ERC2: variants seen among roughly 807,000 people sequenced by gnomAD.
The protein encoded by ERC2 is ELKS/RAB6-interacting/CAST family member 2.
ERC2 carries 42 observed loss-of-function variants against 114.8 expected under a neutral mutation model. The ratio of observed to expected loss-of-function variants is 0.37; its 90% CI spans 0.29 to 0.47. The LOEUF (loss-of-function observed/expected upper bound fraction) is 0.47. Among genes scored for constraint, ERC2 ranks in the 20% least tolerant of loss-of-function variants. The pLI, the probability that ERC2 is intolerant of heterozygous loss-of-function variation, is 0.99. For missense variants in ERC2, 939 were observed against 1,150.7 expected (o/e 0.82, Z 2.66); for synonymous variants, 454 against 425.5 (o/e 1.07, Z -0.82).
chr3:56,377,623 G>A (rs2059592169), intron 2 of ERC2, among the ~76,000 whole-genome samples: 1 of 151,948 alleles, frequency 6.6e-6, no homozygotes, highest in African/African-American at 2.4e-5. Flanking sequence ...TCACACATTA[G>A]GCCCCCCAAA....
chr3:55,765,896 GA>G (rs958296799), intron 14 of ERC2, among the ~76,000 whole-genome samples: 1 of 152,212 alleles, frequency 6.6e-6, no homozygotes, highest in South Asian at 2.1e-4. Context: ...AGTCTCAAAA[GA>G]AAAAAAGAAA....
At chr3:56,337,319 G>A (rs899875527) in intron 2 of ERC2, among the ~76,000 whole-genome samples, 2 of 152,150 alleles carry the variant, frequency 1.3e-5, no homozygotes, top group African/African-American at 4.8e-5. Flanking sequence ...CTGATTACCA[G>A]GTAAAACCCT....
chr3:56,318,399 A>T (rs1576412342), intron 2 of ERC2, among the ~76,000 whole-genome samples: 1 of 150,836 alleles, frequency 6.6e-6, no homozygotes, highest in Non-Finnish European at 1.5e-5. Flanking sequence ...CTAGTCTCAA[A>T]CTCCTGGGCT....
chr3:56,202,188 C>T (rs956007782), intron 3 of ERC2, among the ~76,000 whole-genome samples: 23 of 152,250 alleles, frequency 1.5e-4, no homozygotes, highest in Admixed American at 3.9e-4. Context: ...CAGGTAAAAA[C>T]CTCATTTGGG....
intron 15 of ERC2, among the ~76,000 whole-genome samples, chr3:55,701,150 A>G (rs59892857): frequency 0.01 from 1,583 of 152,284 alleles, 28 homozygotes; most frequent in African/African-American, 0.036. Flanking sequence ...CAATAAAGAA[A>G]AGTCTGGACC....
At chr3:55,575,183 T>A (rs1026037513) in intron 17 of ERC2, among the ~76,000 whole-genome samples, 5 of 152,008 alleles carry the variant, frequency 3.3e-5, no homozygotes, top group African/African-American at 1.2e-4. Flanking sequence ...CCCAGCTAAT[T>A]TTTTGGTATT....
At chr3:55,907,209 T>C (rs1158508407) in intron 13 of ERC2, among the ~76,000 whole-genome samples, 1 of 152,160 alleles carries the variant, frequency 6.6e-6, no homozygotes, top group Non-Finnish European at 1.5e-5. Flanking sequence ...TAGTAGCTTT[T>C]ATATGGTAAA....
In ERC2 at chr3:56,138,419, C is replaced by T. The variant is rs531916877; in HGVS notation, c.1473+1090G>A. ...ATCATTGAGACCAAGGTGATTGTTT[C>T]GAATTGAAGCATTCAGGTAGCTGCC... On this transcript the variant is annotated intron_variant, in intron 6 of 17. Coordinates refer to ENST00000288221, the MANE Select transcript of ERC2 (RefSeq NM_015576.3). 5.5e-4 allele frequency among the ~76,000 whole-genome samples: 84 copies of T among 152,232 alleles called. No homozygotes were observed. In the Middle Eastern group the frequency reaches 0.014, roughly 25 times the overall value.
chr3:56,166,098 C>A (rs190863727), intron 4 of ERC2, among the ~76,000 whole-genome samples: 138 of 151,978 alleles, frequency 9.1e-4, no homozygotes, highest in Non-Finnish European at 9.3e-4. Context: ...TTTTGGGGGC[C>A]ATGGATGGAT....
chr3:56,101,570 C>T (rs747676693), intron 6 of ERC2, among the ~76,000 whole-genome samples: 72 of 152,246 alleles, frequency 4.7e-4, no homozygotes, highest in East Asian at 1.9e-4. Flanking sequence ...AAAGGACTTA[C>T]CCATGGCCCC....
At chr3:55,738,768 T>A (rs966829366) in intron 14 of ERC2, among the ~76,000 whole-genome samples, 6 of 152,200 alleles carry the variant, frequency 3.9e-5, no homozygotes, top group Admixed American at 1.3e-4. Flanking sequence ...AATCATTTTT[T>A]AAAATTATTT....
At chr3:55,889,941 GA>G (rs2063528471) in intron 13 of ERC2, among the ~76,000 whole-genome samples, 2 of 152,138 alleles carry the variant, frequency 1.3e-5, no homozygotes, top group Non-Finnish European at 2.9e-5. Context: ...TTAAGATTCA[GA>G]AAACCCTTCA....
At chr3:55,512,995 A>G (rs1475792594) in intron 17 of ERC2, among the ~76,000 whole-genome samples, 1 of 152,182 alleles carries the variant, frequency 6.6e-6, no homozygotes, top group Admixed American at 6.5e-5. Flanking sequence ...TAAAAAACGA[A>G]TCCTGGCTTC....
chr3:56,006,551 A>G (rs994988608), intron 10 of ERC2, among the ~76,000 whole-genome samples: 3 of 152,110 alleles, frequency 2.0e-5, no homozygotes, highest in African/African-American at 7.2e-5. Flanking sequence ...GTAACAATGC[A>G]TGACTGGAAA....
intron 6 of ERC2, among the ~76,000 whole-genome samples, chr3:56,090,445 G>A (rs2077725016): frequency 6.6e-6 from 1 of 152,160 alleles, no homozygotes; most frequent in African/African-American, 2.4e-5. Context: ...TAACAAGACA[G>A]TCAGGTTTGT....
intron 14 of ERC2, among the ~76,000 whole-genome samples, chr3:55,778,973 G>A (rs1385659860): frequency 6.6e-6 from 1 of 151,986 alleles, no homozygotes; most frequent in Non-Finnish European, 1.5e-5. Flanking sequence ...ATGACAATAG[G>A]CATATAAGTA....
chr3:55,621,962 G>A (rs1273969249), intron 17 of ERC2, among the ~76,000 whole-genome samples: 1 of 152,176 alleles, frequency 6.6e-6, no homozygotes, highest in African/African-American at 2.4e-5. Flanking sequence ...GTATTCACAT[G>A]ACATAAGCTA....
chr3:55,519,668 T>C (rs2052769251), intron 17 of ERC2, among the ~76,000 whole-genome samples: 1 of 152,148 alleles, frequency 6.6e-6, no homozygotes, highest in Non-Finnish European at 1.5e-5. Context: ...TTTGATATTA[T>C]CTAGGCTGCC....
intron 3 of ERC2, among the ~76,000 whole-genome samples, chr3:56,192,241 C>T (rs960071655): frequency 1.3e-5 from 2 of 152,200 alleles, no homozygotes; most frequent in Admixed American, 6.5e-5. Context: ...CATGACTCCA[C>T]AGTGTCTCAC....
Sources: allele counts gnomAD v4.1 joint callset (sites outside exome capture counted in the v4.1 genomes callset), GRCh38; gene constraint gnomAD v4.1.1; transcripts MANE v1.5; gene names NCBI Gene and HGNC (gene_info 2026-07-23, HGNC 2026-07-21).